Variants in SLC7A14 observed in about 807,000 individuals in gnomAD.
The protein encoded by SLC7A14 is solute carrier family 7 member 14.
Under a neutral mutation model 60.2 loss-of-function variants are expected in SLC7A14, and 37 were observed. The observed-to-expected ratio is 0.61, with a 90% CI of 0.47 to 0.81. The LOEUF is 0.81. Among genes scored for constraint, SLC7A14 ranks in the 30% least tolerant of loss-of-function variants. The pLI is 0.00. For missense variants in SLC7A14, 886 were observed against 982.7 expected (o/e 0.90, Z 1.32); for synonymous variants, 399 against 395.8 (o/e 1.01, Z -0.10).
chr3:170,484,047 A>G (rs1350237910), intron 5 of SLC7A14, among the ~76,000 whole-genome samples: 2 of 152,176 alleles, frequency 1.3e-5, no homozygotes, highest in African/African-American at 4.8e-5. Flanking sequence ...TAGCCTATTA[A>G]CTGTTGGGAC....
At chr3:170,488,931 T>C (rs1294851688) in intron 4 of SLC7A14, among the ~76,000 whole-genome samples, 1 of 152,152 alleles carries the variant, frequency 6.6e-6, no homozygotes, top group Non-Finnish European at 1.5e-5. Context: ...AGGGAACTCA[T>C]TCACCTTTTT....
chr3:170,510,382 T>A (rs1309967916), intron 2 of SLC7A14, among the ~76,000 whole-genome samples: 2 of 116,602 alleles, frequency 1.7e-5, no homozygotes, highest in Non-Finnish European at 3.4e-5. Flanking sequence ...AGAGCAAGAC[T>A]CTGTCAAAAA....
intron 2 of SLC7A14, among the ~76,000 whole-genome samples, chr3:170,507,242 TA>T (rs1360119180): frequency 7.9e-5 from 12 of 152,290 alleles, no homozygotes; most frequent in African/African-American, 2.9e-4. Flanking sequence ...CCACACACAT[TA>T]AGTGGCTATG....
intron 1 of SLC7A14, among the ~76,000 whole-genome samples, chr3:170,562,135 A>G (rs140917729): frequency 1.4e-4 from 21 of 152,326 alleles, no homozygotes; most frequent in Non-Finnish European, 1.9e-4. Flanking sequence ...GCAATCCACT[A>G]CTGGGTATCT....
At chr3:170,571,549 A>T (rs955030563) in intron 1 of SLC7A14, among the ~76,000 whole-genome samples, 6 of 152,138 alleles carry the variant, frequency 3.9e-5, no homozygotes, top group African/African-American at 1.4e-4. Context: ...TCTTCCACAT[A>T]CCTGAGGCAA....
At chr3:170,564,839 T>G (rs1714751169) in intron 1 of SLC7A14, among the ~76,000 whole-genome samples, 1 of 152,222 alleles carries the variant, frequency 6.6e-6, no homozygotes, top group South Asian at 2.1e-4. Context: ...TTAATGTAAC[T>G]TGCACTTTCT....
rs1485889852 is a variant in SLC7A14, at chr3:170,465,010, A to G, written c.*2045T>C. On this transcript the variant is annotated 3_prime_UTR_variant, in exon 8 of 8. Transcript: ENST00000231706. ...AAAGATGACTGATAATTAGTTTATA[A>G]TTAATTCCTAATGCTGTATTTCACA... The G allele has an allele frequency of 6.6e-6, 1 of 152,222 alleles. No individual in the cohort carries two copies. Among genetic ancestry groups the G allele is most frequent in the Non-Finnish European group, 1.5e-5 (1 of 68,040 alleles). 9.4% of individuals were successfully genotyped at this position (152,222 alleles called of 1,614,324 possible). A position where few individuals can be genotyped will look rare whatever the true frequency, so the allele number is the denominator to read the frequency against.
rs1470659922 is a variant in SLC7A14, at chr3:170,466,607, G to C, written c.*448C>G. 2 of 154,522 alleles carry C rather than the reference G, an allele frequency of 1.3e-5. No individual in the cohort carries two copies. The highest frequency in any genetic ancestry group is 4.8e-5 in the African/African-American group (2 of 41,526). 9.6% of individuals were successfully genotyped at this position (154,522 alleles called of 1,614,324 possible). ...GGATAAAATGATGCTTGCTCAGGAA[G>C]TGCCAATGCCCATCTACCCACCCTG... is the stretch of plus-strand genomic sequence containing the variant. On this transcript the variant is annotated 3_prime_UTR_variant, in exon 8 of 8. Transcript: ENST00000231706.
intron 1 of SLC7A14, among the ~76,000 whole-genome samples, chr3:170,540,613 C>T (rs1165524304): frequency 6.6e-6 from 1 of 152,120 alleles, no homozygotes; most frequent in African/African-American, 2.4e-5. Flanking sequence ...CACAGGCCCT[C>T]AGGGTACATT....
In SLC7A14 at chr3:170,526,738, C is replaced by A; in HGVS notation, c.199G>T (p.Val67Leu). 4 of 1,614,268 alleles carry A rather than the reference C, an allele frequency of 2.5e-6. No individual in the cohort carries two copies. The highest frequency in any genetic ancestry group is 3.4e-6 in the Non-Finnish European group (4 of 1,180,056). ...GAGACCACATACATGCCAGTGCCCA[C>A]ACAGCTGCCAACGCCAAGAGAGATG... is the stretch of plus-strand genomic sequence containing the variant. Reference protein sequence around the residue: ...DLISLGVGSCVGTGMYVVSGL... With the variant: ...DLISLGVGSCLGTGMYVVSGL... The change falls in exon 2 of 8, where the codon GTG (valine) becomes TTG (leucine). Residue 67 changes from valine to leucine, a missense_variant. Physicochemically the swap from Val to Leu is conservative, Grantham distance 32. Coordinates refer to ENST00000231706, the MANE Select transcript of SLC7A14 (RefSeq NM_020949.3).
intron 7 of SLC7A14, among the ~76,000 whole-genome samples, chr3:170,476,366 G>T (rs1711616174): frequency 6.6e-6 from 1 of 152,218 alleles, no homozygotes; most frequent in African/African-American, 2.4e-5. Context: ...CTTCCCAAAT[G>T]TGATTTGCGG....
At chr3:170,567,849 T>C (rs1405648770) in intron 1 of SLC7A14, among the ~76,000 whole-genome samples, 25 of 152,018 alleles carry the variant, frequency 1.6e-4, no homozygotes, top group African/African-American at 4.8e-4. Flanking sequence ...CACTTTTTGA[T>C]GGGGTTGTTT....
chr3:170,501,006 A>C lies in SLC7A14; in HGVS notation c.541+103T>G, dbSNP rs921065119. ...GCAAAAGAAAAAGAGAGATATATTT[A>C]AGGCTTTTGATACATTTTGCCAAAT... is the stretch of plus-strand genomic sequence containing the variant. On this transcript the variant is annotated intron_variant, in intron 3 of 7. Coordinates refer to ENST00000231706, the MANE Select transcript of SLC7A14 (RefSeq NM_020949.3). 3 of 983,358 alleles carry C rather than the reference A, an allele frequency of 3.1e-6. No homozygotes were observed. In the African/African-American group the frequency reaches 4.8e-5, roughly 16 times the overall value. 60.9% of individuals were successfully genotyped at this position (983,358 alleles called of 1,614,324 possible). A position where few individuals can be genotyped will look rare whatever the true frequency, so the allele number is the denominator to read the frequency against.
At chr3:170,569,789 T>C (rs1439705132) in intron 1 of SLC7A14, among the ~76,000 whole-genome samples, 1 of 152,234 alleles carries the variant, frequency 6.6e-6, no homozygotes, top group Non-Finnish European at 1.5e-5. Flanking sequence ...TTTTCTAGTT[T>C]ATTTGTGTAG....
At chr3:170,469,353 C>G (rs1346163530) in intron 7 of SLC7A14, among the ~76,000 whole-genome samples, 2 of 152,138 alleles carry the variant, frequency 1.3e-5, no homozygotes, top group Non-Finnish European at 2.9e-5. Context: ...CCAGTGAAAT[C>G]AACTTTCCAG....
At chr3:170,550,430 G>A (rs1490498787) in intron 1 of SLC7A14, among the ~76,000 whole-genome samples, 4 of 151,474 alleles carry the variant, frequency 2.6e-5, no homozygotes, top group African/African-American at 9.7e-5. Flanking sequence ...CTACTGCACA[G>A]GGTTTGTGGT....
intron 1 of SLC7A14, among the ~76,000 whole-genome samples, chr3:170,563,427 T>G (rs1002432892): frequency 1.7e-4 from 25 of 149,260 alleles, no homozygotes; most frequent in African/African-American, 4.9e-4. Flanking sequence ...GTTTTTTTTT[T>G]TTTTTTTTGA....
rs370518462 is a variant in SLC7A14, at chr3:170,467,208, G to A, written c.2163C>T (p.Gly721=). 3.2e-5 allele frequency: 52 copies of A among 1,614,150 alleles called. No homozygotes were observed. The African/African-American group carries it at 4.9e-4, about 15-fold the overall frequency. The part of the protein sequence containing the change: ...ATEGESQEDW[G]GPTEDKGFYY... The stretch of plus-strand genomic sequence containing the variant: ...AGAAGCCTTTGTCTTCAGTGGGCCC[G>A]CCCCAGTCCTCCTGGCTCTCGCCCT... The change falls in exon 8 of 8, where the codon GGC becomes GGT. Residue 721 remains glycine, a synonymous_variant. Coordinates refer to ENST00000231706, the MANE Select transcript of SLC7A14 (RefSeq NM_020949.3).
At chr3:170,479,504 A>G (rs889284148) in intron 7 of SLC7A14, among the ~76,000 whole-genome samples, 54 of 152,358 alleles carry the variant, frequency 3.5e-4, no homozygotes, top group African/African-American at 1.2e-3. Context: ...TAGAAATCTT[A>G]GAGAAGGTAC....
Sources: allele counts gnomAD v4.1 joint callset (sites outside exome capture counted in the v4.1 genomes callset), GRCh38; gene constraint gnomAD v4.1.1; transcripts MANE v1.5; gene names NCBI Gene and HGNC (gene_info 2026-07-23, HGNC 2026-07-21).